The following TRDN variants were observed in gnomAD, a reference collection of about 807,000 sequenced individuals.
TRDN encodes the protein triadin in skeletal muscle.
In TRDN, 161 loss-of-function variants were observed where a neutral mutation model predicts 149.7. That is an observed-to-expected ratio of 1.08 (90% CI 0.95 to 1.23). The LOEUF is 1.23. Ranked by LOEUF, TRDN falls within the 50% of genes most tolerant of loss-of-function variation. The pLI is 0.00. For synonymous variants in TRDN, 294 were observed against 250.5 expected (o/e 1.17, Z -1.64); for missense variants, 896 against 823.5 (o/e 1.09, Z -1.08).
intron 12 of TRDN, among the ~76,000 whole-genome samples, chr6:123,412,871 G>A (rs1204228160): frequency 2.0e-5 from 3 of 151,924 alleles, no homozygotes; most frequent in Non-Finnish European, 4.4e-5. Flanking sequence ...AAAAAATAAA[G>A]AAAAATTATG....
At chr6:123,235,811 T>G (rs2114532078) in intron 38 of TRDN, among the ~76,000 whole-genome samples, 1 of 152,246 alleles carries the variant, frequency 6.6e-6, no homozygotes, top group Non-Finnish European at 1.5e-5. Flanking sequence ...GTATGGAACC[T>G]TTGGAGCTTA....
intron 12 of TRDN, among the ~76,000 whole-genome samples, chr6:123,409,690 T>TACACACACACACAC (rs5879677): frequency 1.3e-5 from 2 of 149,304 alleles, no homozygotes; most frequent in African/African-American, 4.9e-5. Context: ...TAATGTAATT[T>TACACACACACACAC]ACACACACAC....
intron 2 of TRDN, among the ~76,000 whole-genome samples, chr6:123,552,028 A>T (rs2114454583): frequency 6.6e-6 from 1 of 152,228 alleles, no homozygotes; most frequent in African/African-American, 2.4e-5. Context: ...AAACTGGAAA[A>T]AAAAATGAGT....
chr6:123,631,116 C>CTTT (rs200458146), intron 1 of TRDN, among the ~76,000 whole-genome samples: 1 of 141,442 alleles, frequency 7.1e-6, no homozygotes, highest in African/African-American at 2.6e-5. Context: ...TCACAATCTG[C>CTTT]TTTTTTTTTT....
intron 24 of TRDN, among the ~76,000 whole-genome samples, chr6:123,283,985 C>CAT (rs57419103): frequency 0.035 from 2,001 of 57,170 alleles, 387 homozygotes; most frequent in East Asian, 0.2. Context: ...CAACATGGCA[C>CAT]ATATATATAT....
At chr6:123,360,946 G>C (rs930367821) in intron 20 of TRDN, among the ~76,000 whole-genome samples, 1 of 152,070 alleles carries the variant, frequency 6.6e-6, no homozygotes, top group African/African-American at 2.4e-5. Context: ...AAGATAGATG[G>C]ATATGTGCCA....
intron 1 of TRDN, among the ~76,000 whole-genome samples, chr6:123,585,382 A>G (rs974461068): frequency 3.9e-5 from 6 of 152,120 alleles, no homozygotes; most frequent in African/African-American, 1.4e-4. Flanking sequence ...ATCAATACCC[A>G]CAACAGTTAT....
intron 10 of TRDN, among the ~76,000 whole-genome samples, chr6:123,450,221 G>T (rs1562320169): frequency 6.6e-6 from 1 of 152,064 alleles, no homozygotes; most frequent in Non-Finnish European, 1.5e-5. Flanking sequence ...TGAATGCAAT[G>T]GTGCCTCCCA....
chr6:123,387,296 A>G (rs1781941993), intron 14 of TRDN, among the ~76,000 whole-genome samples: 1 of 152,186 alleles, frequency 6.6e-6, no homozygotes, highest in African/African-American at 2.4e-5. Context: ...ATTAAAGCTG[A>G]GGAAATTTTT....
intron 1 of TRDN, among the ~76,000 whole-genome samples, chr6:123,623,562 G>T (rs1785504306): frequency 6.6e-6 from 1 of 152,050 alleles, no homozygotes; most frequent in African/African-American, 2.4e-5. Flanking sequence ...CCAATAAAGT[G>T]TGTCTCCTTC....
chr6:123,471,235 A>T (rs538118766), intron 9 of TRDN: 1 of 152,326 alleles, frequency 6.6e-6, no homozygotes, highest in Admixed American at 6.5e-5. Flanking sequence ...TGACTTTTAT[A>T]ATTTGACTTG....
chr6:123,219,018 T>TA (rs1377704328), intron 40 of TRDN, among the ~76,000 whole-genome samples: 1 of 151,854 alleles, frequency 6.6e-6, no homozygotes, highest in Non-Finnish European at 1.5e-5. Context: ...TAAGTGATAA[T>TA]AAAAATGGCC....
chr6:123,307,562 T>C (rs980355262), intron 24 of TRDN, among the ~76,000 whole-genome samples: 2 of 152,020 alleles, frequency 1.3e-5, no homozygotes, highest in African/African-American at 4.8e-5. Flanking sequence ...TATAAACTAA[T>C]TTCTGTTTCC....
At chr6:123,604,024 A>G (rs1240060029) in intron 1 of TRDN, among the ~76,000 whole-genome samples, 1 of 135,518 alleles carries the variant, frequency 7.4e-6, no homozygotes, top group African/African-American at 2.7e-5. Flanking sequence ...GAATAAACAG[A>G]TGAGTTACCG....
At chr6:123,556,663 CTTCT>C (rs1412516326) in intron 2 of TRDN, among the ~76,000 whole-genome samples, 3 of 149,550 alleles carry the variant, frequency 2.0e-5, no homozygotes, top group African/African-American at 7.6e-5. Context: ...TCTTCCTCTT[CTTCT>C]TCTTTTCTCT....
intron 24 of TRDN, among the ~76,000 whole-genome samples, chr6:123,296,859 T>C (rs1486068133): frequency 1.3e-5 from 2 of 152,096 alleles, no homozygotes; most frequent in Non-Finnish European, 2.9e-5. Flanking sequence ...TTCCCTTTAG[T>C]CTTTTAAAGG....
rs536682063 is a variant in TRDN at position 123,249,929 on chromosome 6, C to T, written c.1975+2483G>A. Among the ~76,000 whole-genome samples the T allele has an allele frequency of 5.3e-5, 8 of 152,108 alleles. No individual in the cohort carries two copies. In the South Asian group the frequency reaches 1.2e-3, roughly 24 times the overall value. On this transcript the variant is annotated intron_variant, in intron 38 of 40. Transcript: ENST00000334268. Reference sequence around the variant, plus strand: ...AAACTATCCCACTTTGCTGATGATACGATCTTATATCTAGAAAAACCTAAG... The same window carrying T: ...AAACTATCCCACTTTGCTGATGATATGATCTTATATCTAGAAAAACCTAAG...
chr6:123,542,315 TG>T (rs1255227507), intron 4 of TRDN, among the ~76,000 whole-genome samples: 1 of 152,216 alleles, frequency 6.6e-6, no homozygotes, highest in Non-Finnish European at 1.5e-5. Flanking sequence ...GATTGGCTTC[TG>T]GTGTTTTCCT....
rs1295975387 is a variant in TRDN, at chr6:123,574,848, TTATATATACATATATATA to T, written c.23-3734_23-3717del. On this transcript the variant is annotated intron_variant, in intron 1 of 40. Transcript: ENST00000334268. Reference sequence around the variant, plus strand: ...TAAACATTTAAAACAGAACATGAATTTATATATACATATATATATATATATATATATATATATATATAT... The same window carrying T: ...TAAACATTTAAAACAGAACATGAATTTATATATATATATATATATATATAT... Among the ~76,000 whole-genome samples the T allele has an allele frequency of 3.2e-3, 324 of 102,552 alleles. 2 individuals carry two copies. Among genetic ancestry groups the T allele is most frequent in the African/African-American group, 9.3e-3 (245 of 26,256 alleles). 67.3% of individuals were successfully genotyped at this position (102,552 alleles called of 152,430 possible). A position where few individuals can be genotyped will look rare whatever the true frequency, so the allele number is the denominator to read the frequency against.
Sources: gnomAD v4.1 joint callset for allele counts (sites outside exome capture counted in the v4.1 genomes callset) on GRCh38, gnomAD v4.1.1 for gene constraint, MANE v1.5 for transcripts, NCBI Gene and HGNC (gene_info 2026-07-23, HGNC 2026-07-21) for gene names.